The following CACNA1G variants were observed in gnomAD, a reference collection of about 807,000 sequenced individuals.
CACNA1G encodes calcium voltage-gated channel subunit alpha1 G, also known as voltage-dependent T-type calcium channel subunit alpha-1G.
In CACNA1G, 67 loss-of-function variants were observed where a neutral mutation model predicts 219.4. That is an observed-to-expected ratio of 0.31 (90% CI 0.25 to 0.37). CACNA1G has a LOEUF of 0.37. Among genes scored for constraint, CACNA1G ranks in the 10% least tolerant of loss-of-function variants. The pLI is 1.00. For synonymous variants in CACNA1G, 1,296 were observed against 1,345.3 expected (o/e 0.96, Z 0.80); for missense variants, 2,380 against 3,231.4 (o/e 0.74, Z 6.39).
rs1306166976 is a variant in CACNA1G at position 50,599,592 on chromosome 17, T to C, written c.3423T>C (p.Asp1141=). Residue 1141 remains aspartate, a synonymous_variant, in exon 17 of 38, where the codon GAT becomes GAC. Transcript: ENST00000359106. ...CGGGAGAAGGCCAGGAGAGCCAGGATGAAGAGGAGAGCTCAGAAGAGGAGC... is the reference window on the plus strand; with the variant it reads ...CGGGAGAAGGCCAGGAGAGCCAGGACGAAGAGGAGAGCTCAGAAGAGGAGC... ...LLSGEGQESQ[D]EEESSEEERA... is the part of the protein sequence containing the mutation. 14 of 1,613,076 alleles carry C rather than the reference T, an allele frequency of 8.7e-6. No individual in the cohort carries two copies. The highest frequency in any genetic ancestry group is 1.1e-5 in the Non-Finnish European group (13 of 1,179,640).
At chr17:50,598,971 G>T (rs1478970284) in intron 16 of CACNA1G, among the ~76,000 whole-genome samples, 1 of 152,042 alleles carries the variant, frequency 6.6e-6, no homozygotes, top group East Asian at 1.9e-4. Flanking sequence ...CAGGTGATCT[G>T]CCCGCCTCGG....
In CACNA1G at chr17:50,569,236, T is replaced by C; in HGVS notation, c.426T>C (p.Phe142=). The C allele has an allele frequency of 6.2e-7, 1 of 1,613,856 alleles. No homozygotes were observed. The highest frequency in any genetic ancestry group is 8.5e-7 in the Non-Finnish European group (1 of 1,179,820). ...TGAAGATGGTGGCCTTGGGCATCTT[T>C]GGGAAAAAGTGTTACCTGGGAGACA... is the stretch of plus-strand genomic sequence containing the variant. ...MVVKMVALGI[F]GKKCYLGDTW... The change falls in exon 3 of 38, where the codon TTT becomes TTC. Residue 142 remains phenylalanine, a synonymous_variant. Transcript: ENST00000359106.
chr17:50,602,977 G>C, intron 20 of CACNA1G, 38 bp from the exon 21 acceptor site: 2 of 1,610,208 alleles, frequency 1.2e-6, no homozygotes, highest in Non-Finnish European at 1.7e-6. Flanking sequence ...TGGCTGCAGC[G>C]CAGGGAGGGC....
intron 9 of CACNA1G, among the ~76,000 whole-genome samples, chr17:50,586,158 G>A (rs560117437): frequency 2.0e-4 from 30 of 152,272 alleles, no homozygotes; most frequent in Admixed American, 1.2e-3. Context: ...CCTCCAAGCC[G>A]TCCACACGCT....
At position 50,626,625 on chromosome 17, in the gene CACNA1G, G is replaced by C; in HGVS notation, c.7008G>C (p.Pro2336=). 1 of 1,612,064 alleles carries C rather than the reference G, an allele frequency of 6.2e-7. No homozygotes were observed. The highest frequency in any genetic ancestry group is 8.5e-7 in the Non-Finnish European group (1 of 1,179,650). Residue 2336 remains proline, a synonymous_variant, in exon 38 of 38, where the codon CCG becomes CCC. Transcript: ENST00000359106. This position sits in a 1 kb window ranked among gnomAD's most constrained non-coding sequence, Gnocchi z 4.3. ...SPGICLRRRA[P]SSDSKDPLAS... ...GTATCTGCCTCCGGAGGAGGGCTCC[G>C]TCCAGCGACTCCAAGGATCCCTTGG...
chr17:50,578,268 T>G lies in CACNA1G; in HGVS notation c.2005T>G (p.Tyr669Asp). 6 of 1,612,828 alleles carry G rather than the reference T, an allele frequency of 3.7e-6. No individual in the cohort carries two copies. Among genetic ancestry groups the G allele is most frequent in the Non-Finnish European group, 5.1e-6 (6 of 1,179,690 alleles). Reference protein sequence around the residue: ...SGACGPDSCPYCARAGAGEVE... With the variant: ...SGACGPDSCPDCARAGAGEVE... Reference sequence around the variant, plus strand: ...AGCCTGTGGTCCAGACAGCTGCCCCTACTGTGCCCGGGCCGGGGCAGGGGA... The same window carrying G: ...AGCCTGTGGTCCAGACAGCTGCCCCGACTGTGCCCGGGCCGGGGCAGGGGA... The change falls in exon 9 of 38, where the codon TAC (tyrosine) becomes GAC (aspartate). Residue 669 changes from tyrosine to aspartate, a missense_variant. Physicochemically the swap from Tyr to Asp is radical, Grantham distance 160. Around this residue, in one of 17 missense-constraint regions of CACNA1G, gnomAD observed 434 missense variants for 417.3 expected, o/e 1.04. Transcript: ENST00000359106. The surrounding 1 kb of genome is among the most constrained non-coding windows in gnomAD (Gnocchi z 4.5).
chr17:50,565,383 G>GAGC (rs72310815), intron 1 of CACNA1G, among the ~76,000 whole-genome samples: 9 of 75,668 alleles, frequency 1.2e-4, no homozygotes, highest in Admixed American at 1.1e-3. Flanking sequence ...CTTGTGGGGT[G>GAGC]GGGCGGGGGG....
At position 50,603,777 on chromosome 17, in the gene CACNA1G, A is replaced by G. The variant is rs2047328937; in HGVS notation, c.4170-378A>G. On this transcript the variant is annotated intron_variant, in intron 21 of 37. Transcript: ENST00000359106. The surrounding 1 kb of genome is among the most constrained non-coding windows in gnomAD (Gnocchi z 6.4). ...GATGCTTCCCTGACTGTGATAGTCC[A>G]TCTCCCTCTGCCCCTTCCCCTCTCT... 6.6e-6 allele frequency among the ~76,000 whole-genome samples: 1 copy of G among 151,522 alleles called. No individual in the cohort carries two copies. The highest frequency in any genetic ancestry group is 2.4e-5 in the African/African-American group (1 of 41,146).
At chr17:50,624,211 G>T in intron 36 of CACNA1G, 136 bp downstream of exon 36, 1 of 1,285,826 alleles carries the variant, frequency 7.8e-7, no homozygotes, top group Non-Finnish European at 1.1e-6. Context: ...CTCCAGCCTG[G>T]GGGAATGGCT....
chr17:50,594,584 C>T (rs747138701), intron 13 of CACNA1G, among the ~76,000 whole-genome samples: 6 of 152,138 alleles, frequency 3.9e-5, no homozygotes, highest in Admixed American at 6.5e-5. Context: ...GGGCAGTTTC[C>T]GCAACTTCTC....
chr17:50,594,292 A>G (rs1183420209), intron 13 of CACNA1G, among the ~76,000 whole-genome samples: 2 of 152,222 alleles, frequency 1.3e-5, no homozygotes, highest in African/African-American at 4.8e-5. Context: ...CCATTAATTG[A>G]TACTAAATAA....
chr17:50,615,213 G>C (rs1036611192), intron 26 of CACNA1G, 148 bp from the exon 27 acceptor site: 5 of 755,818 alleles, frequency 6.6e-6, no homozygotes, highest in Non-Finnish European at 9.8e-6. Context: ...CCCCCACCAA[G>C]GGGCAGCGTG....
At chr17:50,562,847 G>C (rs2036282655) in intron 1 of CACNA1G, among the ~76,000 whole-genome samples, 1 of 152,182 alleles carries the variant, frequency 6.6e-6, no homozygotes, top group South Asian at 2.1e-4. Flanking sequence ...GGAGTGGTAG[G>C]GGAGACCCCA....
intron 14 of CACNA1G, among the ~76,000 whole-genome samples, chr17:50,595,375 C>T (rs1438736668): frequency 2.0e-5 from 3 of 152,208 alleles, no homozygotes; most frequent in East Asian, 3.8e-4. Flanking sequence ...TGGGGCACCC[C>T]GTGTGTGCGT....
At chr17:50,588,177 CT>C (rs1313943546) in intron 9 of CACNA1G, among the ~76,000 whole-genome samples, 1 of 152,106 alleles carries the variant, frequency 6.6e-6, no homozygotes, top group Non-Finnish European at 1.5e-5. Flanking sequence ...ATTCCTAGAA[CT>C]CTGTTGATTT....
chr17:50,599,411 C>T lies in CACNA1G; in HGVS notation c.3259-17C>T, dbSNP rs1398069088. The T allele has an allele frequency of 2.6e-6, 4 of 1,524,880 alleles. No homozygotes were observed. The highest frequency in any genetic ancestry group is 1.2e-5 in the South Asian group (1 of 80,970). 94.5% of individuals were successfully genotyped at this position (1,524,880 alleles called of 1,614,324 possible). ...CTGGGCCCTGCCTGAGACCACTCCTCCCCTGCTCACCCACAGCCCAGCGCC... is the reference window on the plus strand; with the variant it reads ...CTGGGCCCTGCCTGAGACCACTCCTTCCCTGCTCACCCACAGCCCAGCGCC... On this transcript the variant is annotated splice_polypyrimidine_tract_variant and intron_variant, in intron 16 of 37. Coordinates refer to ENST00000359106, the MANE Select transcript of CACNA1G (RefSeq NM_018896.5).
At chr17:50,606,549 C>T in intron 23 of CACNA1G, 1 of 551,246 alleles carries the variant, frequency 1.8e-6, no homozygotes, top group Admixed American at 3.3e-5. Flanking sequence ...TAATTCCTTT[C>T]CTCACTCCAT....
chr17:50,597,059 A>G, intron 16 of CACNA1G, 136 bp downstream of exon 16: 1 of 870,838 alleles, frequency 1.1e-6, no homozygotes, highest in East Asian at 2.7e-5. Context: ...GTGCCTGGAC[A>G]AGCCCCTGGG....
intron 5 of CACNA1G, 120 bp downstream of exon 5, chr17:50,572,157 G>A: frequency 8.4e-6 from 10 of 1,186,022 alleles, no homozygotes; most frequent in South Asian, 6.6e-5. Flanking sequence ...GACATATCTG[G>A]TTCTCAAACT....
Sources: allele counts gnomAD v4.1 joint callset (sites outside exome capture counted in the v4.1 genomes callset), GRCh38; gene constraint gnomAD v4.1.1; regional missense constraint gnomAD v4.1.1; non-coding constraint Gnocchi (gnomAD v3.1); transcripts MANE v1.5; gene names NCBI Gene and HGNC (gene_info 2026-07-23, HGNC 2026-07-21).